ASCC3: variants seen among roughly 807,000 people sequenced by gnomAD.
ASCC3 encodes ASC-1 complex subunit P200.
A neutral mutation model predicts 256.3 loss-of-function variants in ASCC3; 158 were observed. The ratio of observed to expected loss-of-function variants is 0.62; its 90% CI spans 0.54 to 0.70. The LOEUF (loss-of-function observed/expected upper bound fraction) is 0.70. ASCC3 is among the 30% of genes least tolerant of loss of function. ASCC3 has a pLI of 0.00. For missense variants in ASCC3, 2,259 were observed against 2,626.0 expected (o/e 0.86, Z 3.05); for synonymous variants, 948 against 883.4 (o/e 1.07, Z -1.30).
Position 100,606,810 on chromosome 6 carries a change from A to C in ASCC3, c.4974T>G (p.His1658Gln). 1 of 1,612,214 alleles carries C rather than the reference A, an allele frequency of 6.2e-7. No individual in the cohort carries two copies. Among genetic ancestry groups the C allele is most frequent in the East Asian group, 2.2e-5 (1 of 44,736 alleles). ...TLAWGVNFPA[H>Q]LVIIKGTEYY... Reference sequence around the variant, plus strand: ...ATTCTGTTCCCTTAATAATTACTAAATGAGCTGGAAAGTTTACACCCCAGG... The same window carrying C: ...ATTCTGTTCCCTTAATAATTACTAACTGAGCTGGAAAGTTTACACCCCAGG... The change falls in exon 32 of 42, where the codon CAT becomes CAG. Residue 1658 changes from histidine to glutamine, a missense_variant. This residue lies in a region of ASCC3 where 1,839 missense variants were observed against 2,206.7 expected (regional missense o/e 0.83). Coordinates refer to ENST00000369162, the MANE Select transcript of ASCC3 (RefSeq NM_006828.4).
chr6:100,787,800 C>A (rs903226279), intron 8 of ASCC3, among the ~76,000 whole-genome samples: 4 of 152,000 alleles, frequency 2.6e-5, no homozygotes, highest in Non-Finnish European at 1.5e-5. Flanking sequence ...AAAACCTTGA[C>A]CCTTACATTT....
At chr6:100,795,018 G>A (rs575036572) in intron 8 of ASCC3, among the ~76,000 whole-genome samples, 1 of 151,980 alleles carries the variant, frequency 6.6e-6, no homozygotes, top group Non-Finnish European at 1.5e-5. Flanking sequence ...TTGACTCCTG[G>A]TGGCTCATGG....
At chr6:100,730,169 T>C (rs761878033) in intron 10 of ASCC3, among the ~76,000 whole-genome samples, 11 of 151,682 alleles carry the variant, frequency 7.3e-5, no homozygotes, top group Non-Finnish European at 1.2e-4. Flanking sequence ...TGGATGTGGT[T>C]GCACATGCCT....
rs1032911206 is a variant in ASCC3 at position 100,610,029 on chromosome 6, G to GAGAA, written c.4786-2945_4786-2942dup. On this transcript the variant is annotated intron_variant, in intron 30 of 41. Coordinates refer to ENST00000369162, the MANE Select transcript of ASCC3 (RefSeq NM_006828.4). ...AGTTCTTTCCGGGAAACTCCATGAGGAGAATAATGTTAAGACCAAGTGATT... is the reference window on the plus strand; with the variant it reads ...AGTTCTTTCCGGGAAACTCCATGAGGAGAAAGAATAATGTTAAGACCAAGTGATT... 7.3e-4 allele frequency among the ~76,000 whole-genome samples: 111 copies of GAGAA among 152,308 alleles called. 1 individual carries two copies. Among genetic ancestry groups the GAGAA allele is most frequent in the African/African-American group, 2.5e-3 (106 of 41,570 alleles).
At chr6:100,838,920 G>A (rs1226861897) in intron 4 of ASCC3, among the ~76,000 whole-genome samples, 3 of 151,978 alleles carry the variant, frequency 2.0e-5, no homozygotes, top group Non-Finnish European at 2.9e-5. Context: ...ATATTTGAGT[G>A]AATGCTTACA....
chr6:100,564,414 T>A (rs1283948539), intron 36 of ASCC3, among the ~76,000 whole-genome samples: 3 of 152,166 alleles, frequency 2.0e-5, no homozygotes, highest in African/African-American at 7.2e-5. Context: ...ATGAGATCAA[T>A]TTTATTTTAG....
chr6:100,690,746 C>A (rs1270906248), intron 13 of ASCC3, among the ~76,000 whole-genome samples: 1 of 151,978 alleles, frequency 6.6e-6, no homozygotes, highest in Non-Finnish European at 1.5e-5. Context: ...TGTAAATAAG[C>A]CAAGGAAAGT....
chr6:100,611,642 T>C (rs1186626777), intron 30 of ASCC3, among the ~76,000 whole-genome samples: 2 of 151,956 alleles, frequency 1.3e-5, no homozygotes, highest in African/African-American at 4.8e-5. Context: ...ATATGTCAAA[T>C]GGAAAGACCC....
At chr6:100,853,913 A>C (rs1772813680) in intron 3 of ASCC3, among the ~76,000 whole-genome samples, 2 of 152,306 alleles carry the variant, frequency 1.3e-5, no homozygotes, top group South Asian at 4.1e-4. Flanking sequence ...AACATTAGAT[A>C]CAACAAAGTA....
At chr6:100,622,872 T>C (rs1774028693) in intron 30 of ASCC3, among the ~76,000 whole-genome samples, 1 of 151,968 alleles carries the variant, frequency 6.6e-6, no homozygotes, top group African/African-American at 2.4e-5. Context: ...TACAATTCTT[T>C]AGGTCTCATA....
chr6:100,776,123 A>T (rs1342333072), intron 8 of ASCC3, among the ~76,000 whole-genome samples: 1 of 152,226 alleles, frequency 6.6e-6, no homozygotes, highest in South Asian at 2.1e-4. Context: ...CACAATACCT[A>T]ATTAAATGCA....
chr6:100,608,072 A>ATATATATGTATATATCGATATACACG (rs1491436250), intron 30 of ASCC3, among the ~76,000 whole-genome samples: 44 of 101,254 alleles, frequency 4.3e-4, no homozygotes, highest in African/African-American at 1.6e-3. Flanking sequence ...ATATATATAC[A>ATATATATGTATATATCGATATACACG]TATATATGTA....
chr6:100,797,800 T>C (rs1769705761), intron 8 of ASCC3, among the ~76,000 whole-genome samples: 1 of 152,150 alleles, frequency 6.6e-6, no homozygotes, highest in Admixed American at 6.6e-5. Flanking sequence ...TAAGAACTTA[T>C]TGTAAAAGAC....
At position 100,755,637 on chromosome 6, in the gene ASCC3, T is replaced by TAC. The variant is rs551489914; in HGVS notation, c.1737+10926_1737+10927dup. 5.5e-3 allele frequency among the ~76,000 whole-genome samples: 829 copies of TAC among 151,468 alleles called. 8 individuals carry two copies. Among genetic ancestry groups the TAC allele is most frequent in the African/African-American group, 0.019 (771 of 41,386 alleles). ...GCAGCTCCCCAAAATATTGTTCTGCTACACACACACACACAAACACACACT... is the reference window on the plus strand; with the variant it reads ...GCAGCTCCCCAAAATATTGTTCTGCTACACACACACACACACAAACACACACT... On this transcript the variant is annotated intron_variant, in intron 10 of 41. Transcript: ENST00000369162.
chr6:100,613,125 G>A (rs930640628), intron 30 of ASCC3, among the ~76,000 whole-genome samples: 1 of 150,086 alleles, frequency 6.7e-6, no homozygotes, highest in Non-Finnish European at 1.5e-5. Flanking sequence ...TTTTGAGGGA[G>A]GGGTACAAGC....
intron 36 of ASCC3, among the ~76,000 whole-genome samples, chr6:100,563,120 T>A (rs1291893589): frequency 6.6e-6 from 1 of 152,042 alleles, no homozygotes; most frequent in East Asian, 1.9e-4. Context: ...TGATTAAAAT[T>A]TTTTAATATT....
At chr6:100,568,788 TA>T (rs1405615525) in intron 36 of ASCC3, among the ~76,000 whole-genome samples, 23 of 147,956 alleles carry the variant, frequency 1.6e-4, no homozygotes, top group African/African-American at 4.5e-4. Context: ...TTATTATTAT[TA>T]TTTTTTGAGA....
chr6:100,855,631 T>A (rs1436429879), intron 3 of ASCC3, among the ~76,000 whole-genome samples: 1 of 152,228 alleles, frequency 6.6e-6, no homozygotes, highest in African/African-American at 2.4e-5. Flanking sequence ...TCTCTATGAA[T>A]TCTTTCCTGA....
intron 10 of ASCC3, among the ~76,000 whole-genome samples, chr6:100,753,722 T>C (rs1275970572): frequency 1.3e-5 from 2 of 152,126 alleles, no homozygotes; most frequent in African/African-American, 4.8e-5. Flanking sequence ...GTGGCAGTGA[T>C]CAAAGAATGT....
Sources: allele counts gnomAD v4.1 joint callset (sites outside exome capture counted in the v4.1 genomes callset), GRCh38; gene constraint gnomAD v4.1.1; regional missense constraint gnomAD v4.1.1; transcripts MANE v1.5; gene names NCBI Gene and HGNC (gene_info 2026-07-23, HGNC 2026-07-21).